Variants in GRIK1 observed in about 807,000 individuals in gnomAD.
GRIK1 encodes the protein glutamate receptor ionotropic, kainate 1.
A neutral mutation model predicts 105.7 loss-of-function variants in GRIK1; 69 were observed. The observed-to-expected ratio is 0.65, with a 90% CI of 0.54 to 0.80. The LOEUF (loss-of-function observed/expected upper bound fraction) is 0.80. Among genes scored for constraint, GRIK1 ranks in the 30% least tolerant of loss-of-function variants. The pLI is 0.00. For missense variants in GRIK1, 1,109 were observed against 1,167.3 expected (o/e 0.95, Z 0.73); for synonymous variants, 438 against 431.3 (o/e 1.02, Z -0.19).
chr21:29,836,470 T>C (rs548618203), intron 1 of GRIK1, among the ~76,000 whole-genome samples: 2 of 152,332 alleles, frequency 1.3e-5, no homozygotes, highest in South Asian at 2.1e-4. Context: ...GAAAAGTCCC[T>C]ATGTACAGTG....
chr21:29,924,015 T>G (rs191176500), intron 1 of GRIK1, among the ~76,000 whole-genome samples: 5 of 152,222 alleles, frequency 3.3e-5, no homozygotes, highest in African/African-American at 1.2e-4. Context: ...AATTATTATC[T>G]GAACAGTGGG....
At chr21:29,546,929 T>C (rs1395495068) in intron 16 of GRIK1, among the ~76,000 whole-genome samples, 1 of 152,086 alleles carries the variant, frequency 6.6e-6, no homozygotes, top group East Asian at 1.9e-4. Flanking sequence ...CAATAGAAAA[T>C]AAATGCACTC....
At chr21:29,680,540 C>T (rs1169977371) in intron 3 of GRIK1, among the ~76,000 whole-genome samples, 1 of 152,210 alleles carries the variant, frequency 6.6e-6, no homozygotes, top group African/African-American at 2.4e-5. Context: ...GTAGGCCCTC[C>T]TTATCTGAGG....
chr21:29,742,905 G>A (rs141449549), intron 1 of GRIK1, among the ~76,000 whole-genome samples: 85 of 152,230 alleles, frequency 5.6e-4, no homozygotes, highest in Non-Finnish European at 1.2e-3. Context: ...TCCACAAACA[G>A]GCTTGAGTCT....
intron 7 of GRIK1, among the ~76,000 whole-genome samples, chr21:29,605,937 C>T (rs1339159967): frequency 6.6e-6 from 1 of 150,936 alleles, no homozygotes; most frequent in Non-Finnish European, 1.5e-5. Context: ...ACTTTCCTTG[C>T]TAGATCAAGG....
At chr21:29,813,684 C>T (rs534885761) in intron 1 of GRIK1, among the ~76,000 whole-genome samples, 2 of 152,204 alleles carry the variant, frequency 1.3e-5, no homozygotes, top group East Asian at 3.9e-4. Context: ...ATTAATATAT[C>T]TTACACCAAG....
intron 14 of GRIK1, among the ~76,000 whole-genome samples, chr21:29,564,255 C>T (rs2090557330): frequency 6.6e-6 from 1 of 151,928 alleles, no homozygotes; most frequent in African/African-American, 2.4e-5. Flanking sequence ...TCACGCCATT[C>T]TCCTGCCTCA....
intron 1 of GRIK1, among the ~76,000 whole-genome samples, chr21:29,893,619 A>G (rs1166916826): frequency 1.3e-5 from 2 of 152,214 alleles, no homozygotes; most frequent in African/African-American, 2.4e-5. Context: ...TGCTCACTAT[A>G]TGTAGGGCTG....
At chr21:29,590,048 C>G (rs1396309851) in intron 10 of GRIK1, among the ~76,000 whole-genome samples, 1 of 152,154 alleles carries the variant, frequency 6.6e-6, no homozygotes, top group Admixed American at 6.5e-5. Context: ...TACTACCATG[C>G]ATCTATAACC....
chr21:29,885,980 T>A (rs1016094030), intron 1 of GRIK1, among the ~76,000 whole-genome samples: 6 of 152,106 alleles, frequency 3.9e-5, no homozygotes, highest in Admixed American at 6.6e-5. Flanking sequence ...AATGTATGAA[T>A]CCCTCATGGC....
At chr21:29,623,919 T>G (rs2062064110) in intron 7 of GRIK1, among the ~76,000 whole-genome samples, 1 of 152,228 alleles carries the variant, frequency 6.6e-6, no homozygotes, top group African/African-American at 2.4e-5. Context: ...TTTGAAATGT[T>G]TTGTTGGCAA....
At chr21:29,717,009 T>C (rs2064194975) in intron 1 of GRIK1, among the ~76,000 whole-genome samples, 1 of 152,226 alleles carries the variant, frequency 6.6e-6, no homozygotes, top group African/African-American at 2.4e-5. Context: ...GTTTCAGCTG[T>C]GGCTAAAAGG....
At chr21:29,756,218 A>G (rs1013729771) in intron 1 of GRIK1, among the ~76,000 whole-genome samples, 57 of 152,108 alleles carry the variant, frequency 3.7e-4, no homozygotes, top group Admixed American at 1.3e-4. Context: ...CGTCTCTACT[A>G]AAAATACAAA....
intron 15 of GRIK1, 29 bp downstream of exon 15, chr21:29,561,595 C>G: frequency 7.1e-7 from 1 of 1,400,936 alleles, no homozygotes; most frequent in African/African-American, 1.4e-5. Flanking sequence ...TTCTGTATCT[C>G]AGTCTTGGTT....
At chr21:29,849,143 CTG>C (rs57084285) in intron 1 of GRIK1, among the ~76,000 whole-genome samples, 47,624 of 151,800 alleles carry the variant, frequency 0.31, 8,010 homozygotes, top group East Asian at 0.46. Context: ...ATGTCCCAGA[CTG>C]TATTGTACTT....
At chr21:29,925,160 G>A (rs144822872) in intron 1 of GRIK1, among the ~76,000 whole-genome samples, 14 of 152,274 alleles carry the variant, frequency 9.2e-5, no homozygotes, top group Admixed American at 6.5e-4. Flanking sequence ...TGATTTGATC[G>A]TAGGTATGCT....
chr21:29,605,443 C>CTTTTCT (rs2061593931), intron 7 of GRIK1, among the ~76,000 whole-genome samples: 1 of 152,130 alleles, frequency 6.6e-6, no homozygotes, highest in African/African-American at 2.4e-5. Context: ...ATATATACCA[C>CTTTTCT]ATTTTCTTTT....
intron 12 of GRIK1, among the ~76,000 whole-genome samples, chr21:29,584,564 T>C (rs746586723): frequency 7.2e-5 from 11 of 152,238 alleles, no homozygotes; most frequent in Non-Finnish European, 1.3e-4. Flanking sequence ...CACCGATGTC[T>C]ACATCTTTAT....
chr21:29,692,749 A>C (rs1194916667), intron 2 of GRIK1, among the ~76,000 whole-genome samples: 1 of 151,682 alleles, frequency 6.6e-6, no homozygotes, highest in African/African-American at 2.4e-5. Flanking sequence ...TTTTTTTTGT[A>C]TTTTTAGTAG....
Sources: gnomAD v4.1 joint callset for allele counts (sites outside exome capture counted in the v4.1 genomes callset) on GRCh38, gnomAD v4.1.1 for gene constraint, MANE v1.5 for transcripts, NCBI Gene and HGNC (gene_info 2026-07-23, HGNC 2026-07-21) for gene names.